The following MYO16 variants were observed in gnomAD, a reference collection of about 807,000 sequenced individuals.
The protein encoded by MYO16 is unconventional myosin-XVI.
In MYO16, 94 loss-of-function variants were observed where a neutral mutation model predicts 205.3. The observed-to-expected ratio is 0.46, with a 90% CI of 0.39 to 0.54. MYO16 has a LOEUF of 0.54. Among genes scored for constraint, MYO16 ranks in the 20% least tolerant of loss-of-function variants. MYO16 has a pLI of 0.00. For missense variants in MYO16, 2,315 were observed against 2,387.5 expected (o/e 0.97, Z 0.63); for synonymous variants, 988 against 954.0 (o/e 1.04, Z -0.66).
At chr13:108,516,060 C>G in the MYO16 span, among the ~76,000 whole-genome samples, 1 of 145,888 alleles carries the variant, frequency 6.9e-6, no homozygotes, top group Admixed American at 6.8e-5. Flanking sequence ...CAATGGCGGG[C>G]GCCCCTCCCC....
At chr13:109,148,191 C>T (rs1877445381) in intron 32 of MYO16, among the ~76,000 whole-genome samples, 1 of 152,002 alleles carries the variant, frequency 6.6e-6, no homozygotes, top group Non-Finnish European at 1.5e-5. Context: ...GTATCAGTAA[C>T]CAAATTTATC....
the MYO16 span, among the ~76,000 whole-genome samples, chr13:108,509,260 A>G: frequency 6.6e-6 from 1 of 152,058 alleles, no homozygotes. Context: ...GCACAGTATG[A>G]TACTTGCACA....
intron 20 of MYO16, among the ~76,000 whole-genome samples, chr13:108,991,139 C>A (rs1001712148): frequency 1.3e-5 from 2 of 152,126 alleles, no homozygotes; most frequent in South Asian, 2.1e-4. Context: ...CCCAGAAATT[C>A]CAGAATTATC....
intron 4 of MYO16, among the ~76,000 whole-genome samples, chr13:108,742,250 T>TC (rs1884933801): frequency 6.6e-6 from 1 of 152,036 alleles, no homozygotes; most frequent in Non-Finnish European, 1.5e-5. Context: ...CAACTCAGCC[T>TC]CCCAAAGTGC....
chr13:108,625,855 A>C (rs571153100), upstream of MYO16, among the ~76,000 whole-genome samples: 53 of 152,358 alleles, frequency 3.5e-4, no homozygotes, highest in Admixed American at 1.0e-3. Flanking sequence ...TCTTCATTTA[A>C]TAAAGCATGT....
chr13:108,745,424 A>G lies in MYO16; in HGVS notation c.507+17841A>G, dbSNP rs2139622161. 1.3e-5 allele frequency among the ~76,000 whole-genome samples: 2 copies of G among 152,334 alleles called. 1 individual carries two copies. The highest frequency in any genetic ancestry group is 4.1e-4 in the South Asian group (2 of 4,824). On this transcript the variant is annotated intron_variant, in intron 4 of 34. Transcript: ENST00000457511. The stretch of plus-strand genomic sequence containing the variant: ...ATTGGAGAGAGGTCCTTTTATGTAT[A>G]AAAGGATTTTATCCATAAAACAGAT...
the MYO16 span, among the ~76,000 whole-genome samples, chr13:108,541,909 C>T: frequency 1.3e-5 from 2 of 152,066 alleles, no homozygotes; most frequent in East Asian, 3.8e-4. Context: ...TTGGTGATTC[C>T]TCAAAGGACA....
Position 108,997,709 on chromosome 13 carries a change from G to A in MYO16, c.2442+5261G>A, listed in dbSNP as rs149974918. On this transcript the variant is annotated intron_variant, in intron 21 of 34. Coordinates refer to ENST00000457511, the MANE Select transcript of MYO16 (RefSeq NM_001198950.3). ...CAAAAATTAGCCAGCGTGGTGGTGG[G>A]TGCCTCTATTCCCAGCTACTCGGGA... Among the ~76,000 whole-genome samples, 525 of 152,224 alleles carry A rather than the reference G, an allele frequency of 3.4e-3. 2 individuals carry two copies. The highest frequency in any genetic ancestry group is 0.012 in the African/African-American group (499 of 41,518).
At chr13:108,886,565 C>T in intron 13 of MYO16, 2 of 448,602 alleles carry the variant, frequency 4.5e-6, no homozygotes, top group South Asian at 1.6e-5. Flanking sequence ...ACCACCAGAG[C>T]TTAGGGCGCA....
intron 1 of MYO16, among the ~76,000 whole-genome samples, chr13:108,620,933 C>T (rs947692328): frequency 7.9e-5 from 12 of 152,180 alleles, no homozygotes; most frequent in African/African-American, 1.9e-4. Flanking sequence ...ATCCCCACCC[C>T]GCAGCCTGGC....
At chr13:108,652,627 G>C (rs376325212) in intron 1 of MYO16, among the ~76,000 whole-genome samples, 1 of 152,132 alleles carries the variant, frequency 6.6e-6, no homozygotes, top group Non-Finnish European at 1.5e-5. Context: ...CTCTTTAGAA[G>C]CCTCATATAA....
At chr13:108,732,458 CTACGTGGA>C (rs1215785507) in intron 4 of MYO16, among the ~76,000 whole-genome samples, 5 of 152,160 alleles carry the variant, frequency 3.3e-5, no homozygotes, top group African/African-American at 1.2e-4. Flanking sequence ...GAGCCGGGAG[CTACGTGGA>C]TACGTGGGTG....
chr13:108,962,188 G>A (rs956612672), intron 18 of MYO16, among the ~76,000 whole-genome samples: 1 of 152,204 alleles, frequency 6.6e-6, no homozygotes, highest in Non-Finnish European at 1.5e-5. Flanking sequence ...TGAGGACAGG[G>A]AGGAAAAACA....
chr13:108,947,282 G>C (rs1456829120), intron 16 of MYO16, among the ~76,000 whole-genome samples: 1 of 152,172 alleles, frequency 6.6e-6, no homozygotes, highest in East Asian at 1.9e-4. Context: ...CTCCCCTGAG[G>C]AGGACTTCAG....
Position 108,712,725 on chromosome 13 carries a change from C to G in MYO16, c.357C>G (p.Leu119=). Residue 119 remains leucine (L), a synonymous_variant, in exon 3 of 35, where the codon CTC becomes CTG. Transcript: ENST00000457511. ...TCGTCTCCTCGGGAGGGTCCCTGCT[C>G]CATCTGGTAAGAACCGCGACAGTCA... is the stretch of plus-strand genomic sequence containing the variant. The part of the protein sequence containing the change: ...HTLVSSGGSL[L]HLCARYDNAF... The G allele has an allele frequency of 1.2e-6, 2 of 1,613,098 alleles. No homozygotes were observed. Among genetic ancestry groups the G allele is most frequent in the East Asian group, 2.2e-5 (1 of 44,836 alleles).
At chr13:109,070,737 C>G (rs9301343) in intron 27 of MYO16, among the ~76,000 whole-genome samples, 1 of 151,952 alleles carries the variant, frequency 6.6e-6, no homozygotes, top group African/African-American at 2.4e-5. Context: ...TAAAGGTTAC[C>G]TTTCATTGTT....
At chr13:108,810,020 A>C (rs1015164842) in intron 7 of MYO16, among the ~76,000 whole-genome samples, 1 of 152,204 alleles carries the variant, frequency 6.6e-6, no homozygotes, top group Non-Finnish European at 1.5e-5. Context: ...ATCAGTCAGC[A>C]CGTGTCCTGA....
At chr13:108,953,809 A>G (rs769341855) in intron 16 of MYO16, among the ~76,000 whole-genome samples, 5 of 152,218 alleles carry the variant, frequency 3.3e-5, no homozygotes, top group Non-Finnish European at 5.9e-5. Flanking sequence ...TAGTGAAATC[A>G]TCCTAGATGC....
intron 16 of MYO16, among the ~76,000 whole-genome samples, chr13:108,919,328 A>G (rs964158829): frequency 1.8e-4 from 27 of 152,228 alleles, no homozygotes; most frequent in African/African-American, 6.5e-4. Flanking sequence ...CTTTAATCTC[A>G]GGTCAGATTA....
Sources: allele counts gnomAD v4.1 joint callset (sites outside exome capture counted in the v4.1 genomes callset), GRCh38; gene constraint gnomAD v4.1.1; transcripts MANE v1.5; gene names NCBI Gene and HGNC (gene_info 2026-07-23, HGNC 2026-07-21).